Variants in NXPE4 observed in about 807,000 individuals in gnomAD.
NXPE4 encodes NXPE family member 4.
A neutral mutation model predicts 33.3 loss-of-function variants in NXPE4; 42 were observed. That is an observed-to-expected ratio of 1.26 (90% CI 0.98 to 1.63). The LOEUF (loss-of-function observed/expected upper bound fraction) is 1.63. NXPE4 is among the 40% of genes most tolerant of loss of function. The probability of loss-of-function intolerance (pLI) is 0.00; values close to 1 mark genes in which losing one functional copy is unlikely to be tolerated. For missense variants in NXPE4, 709 were observed against 647.6 expected (o/e 1.09, Z -1.03); for synonymous variants, 253 against 234.9 (o/e 1.08, Z -0.71).
the NXPE4 span, among the ~76,000 whole-genome samples, chr11:114,659,457 A>G: frequency 6.6e-6 from 1 of 151,798 alleles, no homozygotes; most frequent in Admixed American, 6.6e-5. Flanking sequence ...AAAAAGAGTG[A>G]AGAAAAAAAA....
chr11:114,661,216 C>T, the NXPE4 span, among the ~76,000 whole-genome samples: 1 of 152,076 alleles, frequency 6.6e-6, no homozygotes, highest in African/African-American at 2.4e-5. Context: ...AAATCAAAAT[C>T]CAGTAGGGTA....
At chr11:114,615,894 C>T in the NXPE4 span, among the ~76,000 whole-genome samples, 1 of 151,350 alleles carries the variant, frequency 6.6e-6, no homozygotes, top group East Asian at 1.9e-4. Flanking sequence ...TAAGTGTTGC[C>T]TCGTGGGTAA....
At chr11:114,631,042 G>T in the NXPE4 span, among the ~76,000 whole-genome samples, 1 of 151,752 alleles carries the variant, frequency 6.6e-6, no homozygotes, top group African/African-American at 2.4e-5. Flanking sequence ...TGGAGAGGAT[G>T]TGGAGAAATA....
the NXPE4 span, among the ~76,000 whole-genome samples, chr11:114,673,507 G>A: frequency 6.6e-6 from 1 of 151,098 alleles, no homozygotes; most frequent in African/African-American, 2.4e-5. Flanking sequence ...TAGAAAAACA[G>A]GACAGAAAAA....
chr11:114,613,995 C>G, the NXPE4 span, among the ~76,000 whole-genome samples: 1 of 151,818 alleles, frequency 6.6e-6, no homozygotes, highest in Non-Finnish European at 1.5e-5. Flanking sequence ...AGGGTTACCA[C>G]TGTTACCCAG....
the NXPE4 span, among the ~76,000 whole-genome samples, chr11:114,647,154 G>A: frequency 4.6e-5 from 7 of 152,180 alleles, no homozygotes; most frequent in Non-Finnish European, 1.0e-4. Flanking sequence ...GCTAATTACA[G>A]TGATTCTCAT....
At chr11:114,606,982 C>T in the NXPE4 span, among the ~76,000 whole-genome samples, 1 of 151,900 alleles carries the variant, frequency 6.6e-6, no homozygotes, top group Non-Finnish European at 1.5e-5. Context: ...TGGGTAACCA[C>T]TGTTTCCCAG....
At chr11:114,585,230 C>T (rs1949263673) in intron 2 of NXPE4, among the ~76,000 whole-genome samples, 1 of 151,598 alleles carries the variant, frequency 6.6e-6, no homozygotes. Flanking sequence ...TCCTGCCATC[C>T]TCCACCTGCA....
the NXPE4 span, among the ~76,000 whole-genome samples, chr11:114,640,007 A>T: frequency 8.3e-6 from 1 of 120,510 alleles, no homozygotes; most frequent in Non-Finnish European, 1.6e-5. Flanking sequence ...ATAATGTAAT[A>T]ATATATTATT....
intron 3 of NXPE4, among the ~76,000 whole-genome samples, chr11:114,581,993 A>T (rs1949157294): frequency 6.6e-6 from 1 of 152,234 alleles, no homozygotes; most frequent in South Asian, 2.1e-4. Context: ...GAATTTGTTG[A>T]GTTGCAGAAA....
At chr11:114,613,626 A>C in the NXPE4 span, among the ~76,000 whole-genome samples, 4 of 150,616 alleles carry the variant, frequency 2.7e-5, no homozygotes, top group African/African-American at 9.8e-5. Flanking sequence ...CCACTGTTAC[A>C]CACTGGATAA....
chr11:114,573,341 G>A (rs1948931819), intron 5 of NXPE4, among the ~76,000 whole-genome samples: 1 of 152,058 alleles, frequency 6.6e-6, no homozygotes. Context: ...ACAATGAATA[G>A]AATAGTATCT....
chr11:114,591,857 T>C (rs980857003), intron 2 of NXPE4, among the ~76,000 whole-genome samples: 2 of 152,200 alleles, frequency 1.3e-5, no homozygotes, highest in African/African-American at 4.8e-5. Context: ...ATCTGAGATA[T>C]TGACCAGGGT....
chr11:114,658,202 G>A, the NXPE4 span, among the ~76,000 whole-genome samples: 2 of 152,300 alleles, frequency 1.3e-5, no homozygotes, highest in Non-Finnish European at 2.9e-5. Context: ...AAAATCTAAT[G>A]AAAGGCAGAG....
At chr11:114,583,116 T>C in intron 2 of NXPE4, 95 bp from the exon 3 acceptor site, 1 of 1,313,238 alleles carries the variant, frequency 7.6e-7, no homozygotes, top group Non-Finnish European at 1.0e-6. Flanking sequence ...AATTAACATG[T>C]TCCTAGTCAT....
intron 2 of NXPE4, among the ~76,000 whole-genome samples, chr11:114,591,841 A>T (rs1483559116): frequency 1.3e-5 from 2 of 152,202 alleles, no homozygotes; most frequent in Admixed American, 1.3e-4. Context: ...CCTTGATGCA[A>T]GGATTATCTG....
chr11:114,638,980 C>A, the NXPE4 span, among the ~76,000 whole-genome samples: 1 of 152,154 alleles, frequency 6.6e-6, no homozygotes, highest in South Asian at 2.1e-4. Context: ...CTGGGAGAAC[C>A]ACTGCTCTCT....
intron 5 of NXPE4, 117 bp downstream of exon 5, chr11:114,580,015 T>G: frequency 1.2e-6 from 1 of 838,428 alleles, no homozygotes; most frequent in Non-Finnish European, 1.9e-6. Context: ...AAAATTTTGG[T>G]GTGTTGTGAT....
At chr11:114,664,632 A>G in the NXPE4 span, among the ~76,000 whole-genome samples, 34 of 152,286 alleles carry the variant, frequency 2.2e-4, no homozygotes, top group East Asian at 4.1e-3. Context: ...TTTTGTATGC[A>G]CTTAATTACA....
Sources: allele counts gnomAD v4.1 joint callset (sites outside exome capture counted in the v4.1 genomes callset), GRCh38; gene constraint gnomAD v4.1.1; transcripts MANE v1.5; gene names NCBI Gene and HGNC (gene_info 2026-07-23, HGNC 2026-07-21).